The following TNNT2 variants were observed in gnomAD, a reference collection of about 807,000 sequenced individuals.
The protein encoded by TNNT2 is troponin T, cardiac muscle.
A neutral mutation model predicts 62.4 loss-of-function variants in TNNT2; 34 were observed. That is an observed-to-expected ratio of 0.54 (90% confidence interval 0.41 to 0.72). TNNT2 has a LOEUF of 0.72. TNNT2 is among the 30% of genes least tolerant of loss of function. The probability of loss-of-function intolerance (pLI) is 0.00; values close to 1 mark genes in which losing one functional copy is unlikely to be tolerated. For synonymous variants in TNNT2, 123 were observed against 127.2 expected, an observed-to-expected ratio of 0.97 and a Z score of 0.22; for missense variants, 275 against 381.9, an observed-to-expected ratio of 0.72 and a Z score of 2.33.
chr1:201,373,552 A>G, intron 1 of TNNT2: 1 of 485,070 alleles, frequency 2.1e-6, no homozygotes, highest in South Asian at 2.0e-5. Flanking sequence ...CACTCAAGAC[A>G]ATGTCTGCAG....
At chr1:201,369,169 C>A (rs1016302719) in intron 5 of TNNT2, among the ~76,000 whole-genome samples, 4 of 152,186 alleles carry the variant, frequency 2.6e-5, no homozygotes, top group African/African-American at 9.7e-5. Context: ...AGTGGCCATG[C>A]AACATCCCAA....
chr1:201,367,602 A>C lies in TNNT2; in HGVS notation c.199+169T>G, dbSNP rs1407843657. 9 of 788,870 alleles carry C rather than the reference A, an allele frequency of 1.1e-5. No individual in the cohort carries two copies. In the South Asian group the frequency reaches 1.3e-4, roughly 12 times the overall value. The allele number at this position is 788,870 out of a possible 1,614,324, so 48.9% of individuals were successfully genotyped here. A position where few individuals can be genotyped will look rare whatever the true frequency, so the allele number is the denominator to read the frequency against. ...TCTCTGGGAGAAGGGGCAAAGTTGA[A>C]AGCTCAACATCTAAAACTTTGGAAG... On this transcript the variant is annotated intron_variant, in intron 7 of 16. Transcript: ENST00000656932.
intron 8 of TNNT2, chr1:201,366,525 C>A (rs1659698085): frequency 8.0e-7 from 1 of 1,254,114 alleles, no homozygotes; most frequent in African/African-American, 1.5e-5. Context: ...CCACCTCGGC[C>A]ATGGAGGAGG....
In TNNT2 at chr1:201,367,846, G is replaced by A. The variant is rs199629562; in HGVS notation, c.164-40C>T. On this transcript the variant is annotated intron_variant, in intron 6 of 16. Coordinates refer to ENST00000656932, the MANE Select transcript of TNNT2 (RefSeq NM_001276345.2). ...AGAAATCAATCAAGGTCCTTGTTCT[G>A]AGCTCAAGTCCCCCCCTCCGCCACC... The A allele has an allele frequency of 9.3e-6, 15 of 1,612,610 alleles. No individual in the cohort carries two copies. The East Asian group carries it at 3.3e-4, about 36-fold the overall frequency.
intron 7 of TNNT2, 69 bp downstream of exon 7, chr1:201,367,702 G>T: frequency 1.3e-6 from 2 of 1,531,056 alleles, no homozygotes; most frequent in Non-Finnish European, 1.8e-6. Flanking sequence ...AGCACTGTGG[G>T]CATTCTCCTC....
At chr1:201,369,877 G>A (rs2102295661) in intron 4 of TNNT2, 32 bp from the exon 5 acceptor site, 3 of 1,614,044 alleles carry the variant, frequency 1.9e-6, no homozygotes, top group Middle Eastern at 1.7e-4. Context: ...CAGCGGAGGG[G>A]AAAAGCGAGA....
chr1:201,376,325 C>A (rs79428841), intron 1 of TNNT2, among the ~76,000 whole-genome samples: 1 of 152,142 alleles, frequency 6.6e-6, no homozygotes, highest in South Asian at 2.1e-4. Flanking sequence ...AGTCACCTAG[C>A]CTCTCTGACT....
At chr1:201,366,556 G>A (rs1263094847) in intron 8 of TNNT2, 5 of 1,338,132 alleles carry the variant, frequency 3.7e-6, no homozygotes, top group Non-Finnish European at 4.8e-6. Context: ...CATACTGTGA[G>A]AGAGGAGAGT....
chr1:201,366,775 C>T, intron 8 of TNNT2, 63 bp downstream of exon 8: 1 of 1,613,538 alleles, frequency 6.2e-7, no homozygotes, highest in South Asian at 1.1e-5. Flanking sequence ...GCACCCCGTT[C>T]CATCATCATC....
rs1659753065 is a variant in TNNT2, at chr1:201,366,883, A to G, written c.200-12T>C. On this transcript the variant is annotated splice_polypyrimidine_tract_variant and intron_variant, in intron 7 of 16. Transcript: ENST00000656932. Reference sequence around the variant, plus strand: ...CTCCATTGGGCCATCTGGAGGAGATAGAAGCACACAGCCATGGGTCAGGGG... The same window carrying G: ...CTCCATTGGGCCATCTGGAGGAGATGGAAGCACACAGCCATGGGTCAGGGG... 6.2e-7 allele frequency: 1 copy of G among 1,614,098 alleles called. No homozygotes were observed. The highest frequency in any genetic ancestry group is 8.5e-7 in the Non-Finnish European group (1 of 1,179,996).
chr1:201,359,815 G>T, intron 15 of TNNT2, 152 bp from the exon 16 acceptor site: 1 of 751,266 alleles, frequency 1.3e-6, no homozygotes, highest in Non-Finnish European at 2.4e-6. Flanking sequence ...GATAGTTAAG[G>T]GTCAGGAGGG....
At chr1:201,361,855 C>A in intron 14 of TNNT2, 58 bp downstream of exon 14, 1 of 1,520,070 alleles carries the variant, frequency 6.6e-7, no homozygotes, top group Non-Finnish European at 9.1e-7. Context: ...GCCCTTGGCC[C>A]GACCCCTCCC....
At chr1:201,368,796 GCTGTGC>G (rs1286527685) in intron 5 of TNNT2, among the ~76,000 whole-genome samples, 2 of 152,192 alleles carry the variant, frequency 1.3e-5, no homozygotes, top group African/African-American at 4.8e-5. Context: ...CCTGGCCTGG[GCTGTGC>G]CTGTAGGAAG....
At chr1:201,377,344 C>T (rs1661544355) in intron 1 of TNNT2, among the ~76,000 whole-genome samples, 1 of 152,160 alleles carries the variant, frequency 6.6e-6, no homozygotes, top group Admixed American at 6.5e-5. Context: ...AGTGACTCAT[C>T]CAAGAGTTTA....
chr1:201,376,380 T>C (rs1661399909), intron 1 of TNNT2, among the ~76,000 whole-genome samples: 1 of 152,188 alleles, frequency 6.6e-6, no homozygotes, highest in Non-Finnish European at 1.5e-5. Context: ...GTTCTGTCCC[T>C]GTAGAAACAG....
intron 11 of TNNT2, chr1:201,363,964 T>A (rs1659192976): frequency 2.8e-6 from 1 of 352,966 alleles, no homozygotes; most frequent in Non-Finnish European, 5.4e-6. Flanking sequence ...CTCGGCTCAC[T>A]GCAACCTTGC....
chr1:201,363,120 C>T (rs1323232320), intron 12 of TNNT2, 176 bp downstream of exon 12: 35 of 985,298 alleles, frequency 3.6e-5, no homozygotes, highest in Non-Finnish European at 4.1e-5. Flanking sequence ...TAGTGCAAGC[C>T]GCGGTCAGGC....
chr1:201,369,416 C>T, intron 5 of TNNT2: 1 of 477,554 alleles, frequency 2.1e-6, no homozygotes, highest in East Asian at 6.8e-5. Context: ...ACCTGGCCAC[C>T]CTGCTTGGTG....
At chr1:201,369,516 C>T (rs992797798) in intron 5 of TNNT2, among the ~76,000 whole-genome samples, 1 of 152,174 alleles carries the variant, frequency 6.6e-6, no homozygotes, top group Non-Finnish European at 1.5e-5. Context: ...GCCAGGTCCC[C>T]TCTATGGCCA....
Sources: allele counts gnomAD v4.1 joint callset (sites outside exome capture counted in the v4.1 genomes callset), GRCh38; gene constraint gnomAD v4.1.1; transcripts MANE v1.5; gene names NCBI Gene and HGNC (gene_info 2026-07-23, HGNC 2026-07-21).